The following OPHN1 variants were observed in gnomAD, a reference collection of about 807,000 sequenced individuals.
OPHN1 encodes oligophrenin 1.
OPHN1 carries 11 observed loss-of-function variants against 60.7 expected under a neutral mutation model. The observed-to-expected ratio is 0.18, with a 90% CI of 0.11 to 0.30. The LOEUF (loss-of-function observed/expected upper bound fraction) is 0.30. OPHN1 is among the 10% of genes least tolerant of loss of function. The pLI, the probability that OPHN1 is intolerant of heterozygous loss-of-function variation, is 1.00. For synonymous variants in OPHN1, 226 were observed against 222.6 expected, an observed-to-expected ratio of 1.02 and a Z score of -0.14; for missense variants, 449 against 611.0, an observed-to-expected ratio of 0.73 and a Z score of 2.80.
intron 5 of OPHN1, among the ~76,000 whole-genome samples, chrX:68,250,649 G>A (rs918449438): frequency 9.0e-6 from 1 of 111,495 alleles, no homozygotes; most frequent in Non-Finnish European, 1.9e-5. Context: ...GTTCGTGTTT[G>A]GTATTTGCGT....
intron 15 of OPHN1, among the ~76,000 whole-genome samples, chrX:68,125,954 T>TATATATATATATATACATAC (rs1262640434): frequency 5.4e-5 from 3 of 55,827 alleles, no homozygotes; most frequent in East Asian, 6.9e-4. Flanking sequence ...TATATATATA[T>TATATATATATATATACATAC]ATACATACAC....
chrX:68,302,894 T>G (rs908886289), intron 2 of OPHN1, among the ~76,000 whole-genome samples: 8 of 111,309 alleles, frequency 7.2e-5, no homozygotes, highest in African/African-American at 2.3e-4. Flanking sequence ...ATTGCACTCC[T>G]GTCTAGGTGA....
At chrX:68,122,324 G>A (rs1320430109) in intron 15 of OPHN1, among the ~76,000 whole-genome samples, 1 of 111,424 alleles carries the variant, frequency 9.0e-6, no homozygotes, top group Non-Finnish European at 1.9e-5. Context: ...ATATGGATTG[G>A]ATGAAAACAC....
At chrX:68,203,526 T>A (rs1331375387) in intron 10 of OPHN1, among the ~76,000 whole-genome samples, 1 of 111,256 alleles carries the variant, frequency 9.0e-6, no homozygotes, top group East Asian at 2.8e-4. Flanking sequence ...TTCCTACCCC[T>A]AAATGTGGGA....
At chrX:68,281,529 A>G (rs1425246168) in intron 4 of OPHN1, among the ~76,000 whole-genome samples, 2 of 112,210 alleles carry the variant, frequency 1.8e-5, no homozygotes, top group South Asian at 3.6e-4. Context: ...CTTTTTAGAT[A>G]TAACACCAAA....
At chrX:68,166,508 TG>T (rs2147411013) in intron 15 of OPHN1, among the ~76,000 whole-genome samples, 2 of 111,640 alleles carry the variant, frequency 1.8e-5, no homozygotes, top group East Asian at 5.6e-4. Flanking sequence ...CACTCCAGCC[TG>T]GGCAACAAAA....
rs375292969 is a variant in OPHN1 at position 68,124,177 on chromosome X, G to A, written c.1277-4845C>T. 1.4e-4 allele frequency among the ~76,000 whole-genome samples: 16 copies of A among 111,155 alleles called. No individual in the cohort carries two copies. The South Asian group carries it at 5.8e-3, about 40-fold the overall frequency. ...CTTGTAGGACAGATCTCGTATTGAT[G>A]AAATCCCTCAGCTTTTGTTTGTCAG... On this transcript the variant is annotated intron_variant, in intron 15 of 24. Coordinates refer to ENST00000355520, the MANE Select transcript of OPHN1 (RefSeq NM_002547.3).
chrX:68,268,723 T>G (rs1235327859), intron 5 of OPHN1, among the ~76,000 whole-genome samples: 18 of 111,140 alleles, frequency 1.6e-4, no homozygotes, highest in South Asian at 3.8e-4. Flanking sequence ...TCAACATAGT[T>G]TTGGAAGTTC....
chrX:68,170,383 A>G (rs1263976890), intron 15 of OPHN1, among the ~76,000 whole-genome samples: 1 of 107,748 alleles, frequency 9.3e-6, no homozygotes, highest in Non-Finnish European at 1.9e-5. Flanking sequence ...GCGATTCCTC[A>G]GGGATCTAGA....
At chrX:68,399,627 C>T (rs1241275768) in intron 2 of OPHN1, among the ~76,000 whole-genome samples, 4 of 110,679 alleles carry the variant, frequency 3.6e-5, no homozygotes, top group Non-Finnish European at 3.8e-5. Flanking sequence ...GAGATCGTGC[C>T]ACTGCACCCC....
At chrX:68,265,013 G>C (rs1283516814) in intron 5 of OPHN1, among the ~76,000 whole-genome samples, 2 of 112,464 alleles carry the variant, frequency 1.8e-5, no homozygotes, top group Non-Finnish European at 3.8e-5. Flanking sequence ...TGCTTGAGTA[G>C]GTAAACAAAG....
At chrX:68,299,483 C>T (rs977134260) in intron 2 of OPHN1, among the ~76,000 whole-genome samples, 1 of 111,490 alleles carries the variant, frequency 9.0e-6, no homozygotes, top group Non-Finnish European at 1.9e-5. Flanking sequence ...CCATTTTATA[C>T]GTGTGGAGTT....
intron 2 of OPHN1, among the ~76,000 whole-genome samples, chrX:68,384,063 C>G (rs1403796721): frequency 1.8e-5 from 2 of 111,479 alleles, no homozygotes; most frequent in African/African-American, 6.5e-5. Flanking sequence ...ATACTTGATT[C>G]CTAGAAAATA....
At chrX:68,426,127 C>T (rs1016289199) in intron 2 of OPHN1, among the ~76,000 whole-genome samples, 11 of 111,280 alleles carry the variant, frequency 9.9e-5, no homozygotes, top group Admixed American at 2.8e-4. Flanking sequence ...TCACCAAGCC[C>T]GACCCTGGAT....
At chrX:68,289,396 T>C (rs188543291) in intron 3 of OPHN1, among the ~76,000 whole-genome samples, 22 of 112,449 alleles carry the variant, frequency 2.0e-4, no homozygotes, top group Non-Finnish European at 3.6e-4. Context: ...ACAATTTCAG[T>C]GATGAGAAAA....
chrX:68,273,663 AATAG>A (rs2077979791), intron 5 of OPHN1, among the ~76,000 whole-genome samples: 1 of 112,170 alleles, frequency 8.9e-6, no homozygotes, highest in Non-Finnish European at 1.9e-5. Context: ...ATTTTATTTA[AATAG>A]ATAGTAGTTA....
intron 23 of OPHN1, among the ~76,000 whole-genome samples, chrX:68,050,194 G>A (rs2076846475): frequency 1.8e-5 from 2 of 111,654 alleles, no homozygotes; most frequent in Non-Finnish European, 3.8e-5. Context: ...TAGATGGAAG[G>A]GATGCTTTCC....
chrX:68,083,352 G>A (rs2076982733), intron 19 of OPHN1, among the ~76,000 whole-genome samples: 1 of 110,340 alleles, frequency 9.1e-6, no homozygotes, highest in Non-Finnish European at 1.9e-5. Flanking sequence ...GATTACAGGC[G>A]TGAGCCACCG....
chrX:68,150,877 C>T (rs898632463), intron 15 of OPHN1, among the ~76,000 whole-genome samples: 1 of 111,710 alleles, frequency 9.0e-6, no homozygotes, highest in Non-Finnish European at 1.9e-5. Flanking sequence ...AATTCTATGT[C>T]CATTATTATT....
Sources: gnomAD v4.1 joint callset for allele counts (sites outside exome capture counted in the v4.1 genomes callset) on GRCh38, gnomAD v4.1.1 for gene constraint, MANE v1.5 for transcripts, NCBI Gene and HGNC (gene_info 2026-07-23, HGNC 2026-07-21) for gene names.